Variants in PLAA observed in about 807,000 individuals in gnomAD.
PLAA encodes phospholipase A-2-activating protein.
In PLAA, 48 loss-of-function variants were observed where a neutral mutation model predicts 84.1. The ratio of observed to expected loss-of-function variants is 0.57; its 90% CI spans 0.45 to 0.73. The LOEUF (loss-of-function observed/expected upper bound fraction) is 0.73, where lower values mean the gene tolerates loss of function less well. Ranked by LOEUF, PLAA falls within the 30% of genes least tolerant of loss-of-function variation. PLAA has a pLI of 0.00. For missense variants in PLAA, 903 were observed against 954.7 expected (o/e 0.95, Z 0.71); for synonymous variants, 392 against 336.6 (o/e 1.16, Z -1.80).
intron 1 of PLAA, among the ~76,000 whole-genome samples, chr9:26,946,449 A>C (rs1040191885): frequency 9.3e-5 from 14 of 151,304 alleles, no homozygotes; most frequent in African/African-American, 3.4e-4. Flanking sequence ...TCACCAGTGC[A>C]ATTTTTGAGA....
chr9:26,922,888 A>G lies in PLAA; in HGVS notation c.1039+290T>C, dbSNP rs138826413. On this transcript the variant is annotated intron_variant, in intron 7 of 13. Transcript: ENST00000397292. ...GTTTGTAACCCCTCTCAGAGAATCC[A>G]ATCAACCAAAAAGTATTAAATGAGT... 9.0e-3 allele frequency among the ~76,000 whole-genome samples: 1,374 copies of G among 152,246 alleles called. 16 individuals carry two copies. The highest frequency in any genetic ancestry group is 0.031 in the African/African-American group (1,281 of 41,524).
chr9:26,930,711 T>C (rs1010482302), intron 2 of PLAA, among the ~76,000 whole-genome samples: 3 of 151,918 alleles, frequency 2.0e-5, no homozygotes, highest in African/African-American at 7.3e-5. Flanking sequence ...ACCTCCCACG[T>C]AGCTTGGATT....
chr9:26,933,675 G>C (rs1213392804), intron 2 of PLAA, among the ~76,000 whole-genome samples: 7 of 150,326 alleles, frequency 4.7e-5, no homozygotes, highest in Non-Finnish European at 1.0e-4. Context: ...TGTAGTCCCA[G>C]CTACTCGGCA....
Position 26,943,677 on chromosome 9 carries a change from T to C in PLAA, c.149+3220A>G, listed in dbSNP as rs1825607132. Among the ~76,000 whole-genome samples, 6 of 152,278 alleles carry C rather than the reference T, an allele frequency of 3.9e-5. No homozygotes were observed. The East Asian group carries it at 9.6e-4, about 24-fold the overall frequency. Reference sequence around the variant, plus strand: ...ATATGCTGTTATGAGCTGGGAGTGGTGGTTCACACCTTTAATCCCAACACT... The same window carrying C: ...ATATGCTGTTATGAGCTGGGAGTGGCGGTTCACACCTTTAATCCCAACACT... On this transcript the variant is annotated intron_variant, in intron 1 of 13. Transcript: ENST00000397292.
At chr9:26,932,174 T>A (rs1463791755) in intron 2 of PLAA, among the ~76,000 whole-genome samples, 1 of 152,088 alleles carries the variant, frequency 6.6e-6, no homozygotes, top group Non-Finnish European at 1.5e-5. Flanking sequence ...AAAAAAAGAT[T>A]TATGAGACAA....
chr9:26,946,730 AT>A (rs1825734413), intron 1 of PLAA, among the ~76,000 whole-genome samples, 166 bp downstream of exon 1: 1 of 152,170 alleles, frequency 6.6e-6, no homozygotes, highest in African/African-American at 2.4e-5. Flanking sequence ...TTAAATCCCG[AT>A]GGTTTCTTAC....
At chr9:26,925,392 T>C (rs1220077140) in intron 6 of PLAA, among the ~76,000 whole-genome samples, 1 of 152,254 alleles carries the variant, frequency 6.6e-6, no homozygotes, top group African/African-American at 2.4e-5. Flanking sequence ...ACCATTTTCC[T>C]TCACTTCCTA....
chr9:26,920,384 C>A lies in PLAA; in HGVS notation c.1040G>T (p.Gly347Val). ...TAGACGAGTCTGTCCTTCTCTAGTA[C>A]CTTAAAATAAAAATTTTAAGAATCA... ...LPGREHLNEP[G>V]TREGQTRLIR... Residue 347 changes from glycine to valine, a missense_variant and splice_region_variant, in exon 8 of 14, where the codon GGT (glycine) becomes GTT (valine). Physicochemically the swap from Gly to Val is moderately radical, Grantham distance 109. Coordinates refer to ENST00000397292, the MANE Select transcript of PLAA (RefSeq NM_001031689.3). 1 of 1,573,318 alleles carries A rather than the reference C, an allele frequency of 6.4e-7. No individual in the cohort carries two copies. The highest frequency in any genetic ancestry group is 8.6e-7 in the Non-Finnish European group (1 of 1,159,068).
chr9:26,925,755 C>A, intron 6 of PLAA, 70 bp downstream of exon 6: 2 of 1,391,794 alleles, frequency 1.4e-6, no homozygotes, highest in Non-Finnish European at 2.0e-6. Flanking sequence ...TATGGCTTAT[C>A]TCTGTACACT....
intron 11 of PLAA, among the ~76,000 whole-genome samples, chr9:26,912,725 A>G (rs1375943841): frequency 6.6e-6 from 1 of 152,216 alleles, no homozygotes; most frequent in Non-Finnish European, 1.5e-5. Context: ...GGAAGTAGAT[A>G]TGACCTCAAC....
At chr9:26,938,436 C>T (rs75561845) in intron 1 of PLAA, among the ~76,000 whole-genome samples, 1,906 of 151,956 alleles carry the variant, frequency 0.013, 33 homozygotes, top group South Asian at 0.068. Context: ...CCTGTAGTCC[C>T]AGTTACTTGG....
chr9:26,947,020 C>T lies in PLAA; in HGVS notation c.26G>A (p.Arg9Gln), dbSNP rs1587205890. 6.3e-7 allele frequency: 1 copy of T among 1,590,682 alleles called. No individual in the cohort carries two copies. Among genetic ancestry groups the T allele is most frequent in the Non-Finnish European group, 8.6e-7 (1 of 1,169,356 alleles). The change falls in exon 1 of 14, where the codon CGG (arginine) becomes CAG (glutamine). Residue 9 changes from arginine (R) to glutamine (Q), a missense_variant. Arg to Gln is a conservative substitution (Grantham distance 43, BLOSUM62 1). Coordinates refer to ENST00000397292, the MANE Select transcript of PLAA (RefSeq NM_001031689.3). ...GTGGCCCCGGAGCGAGCAGCTCAGCCGGTACCTGGTTGCGCCGCTCGTCAT... is the reference window on the plus strand; with the variant it reads ...GTGGCCCCGGAGCGAGCAGCTCAGCTGGTACCTGGTTGCGCCGCTCGTCAT... MTSGATRYRLSCSLRGHEL... is the reference protein window; with the variant it reads MTSGATRYQLSCSLRGHEL...
chr9:26,927,746 G>T (rs1234515933), intron 4 of PLAA, among the ~76,000 whole-genome samples: 1 of 152,128 alleles, frequency 6.6e-6, no homozygotes, highest in Non-Finnish European at 1.5e-5. Context: ...ACTGCTGACT[G>T]ACCATCAGTA....
chr9:26,926,046 T>G, intron 5 of PLAA, 86 bp from the exon 6 acceptor site: 1 of 1,076,930 alleles, frequency 9.3e-7, no homozygotes, highest in East Asian at 2.5e-5. Flanking sequence ...ACTGACTTTT[T>G]GAAACCCAGA....
chr9:26,946,857 C>G (rs781190661), intron 1 of PLAA, 40 bp downstream of exon 1: 10 of 1,533,426 alleles, frequency 6.5e-6, no homozygotes, highest in Non-Finnish European at 8.8e-6. Context: ...CTCCGGGAAG[C>G]GTGCAACACA....
intron 10 of PLAA, chr9:26,915,624 A>G (rs1012229760): frequency 5.9e-6 from 5 of 849,916 alleles, no homozygotes; most frequent in African/African-American, 5.5e-5. Flanking sequence ...TCATACCTCA[A>G]TATGGTAGAT....
intron 2 of PLAA, among the ~76,000 whole-genome samples, chr9:26,934,435 TA>T (rs1825289521): frequency 6.6e-6 from 1 of 151,742 alleles, no homozygotes; most frequent in Non-Finnish European, 1.5e-5. Flanking sequence ...TCATGAAGTA[TA>T]TTCAAATTAT....
intron 12 of PLAA, among the ~76,000 whole-genome samples, chr9:26,909,959 C>T (rs1008351023): frequency 2.6e-5 from 4 of 152,098 alleles, no homozygotes; most frequent in Non-Finnish European, 4.4e-5. Flanking sequence ...TTAAAATGAA[C>T]TTGTATTATT....
intron 12 of PLAA, 21 bp from the exon 13 acceptor site, chr9:26,908,019 T>A: frequency 6.4e-7 from 1 of 1,556,572 alleles, no homozygotes; most frequent in East Asian, 2.3e-5. Context: ...AAACCAAACT[T>A]TCAAAATTCT....
Sources: gnomAD v4.1 joint callset for allele counts (sites outside exome capture counted in the v4.1 genomes callset) on GRCh38, gnomAD v4.1.1 for gene constraint, MANE v1.5 for transcripts, NCBI Gene and HGNC (gene_info 2026-07-23, HGNC 2026-07-21) for gene names.